The following BLOC1S5 variants were observed in gnomAD, a reference collection of about 807,000 sequenced individuals.
BLOC1S5 encodes the protein biogenesis of lysosome-related organelles complex 1 subunit 5.
BLOC1S5 carries 27 observed loss-of-function variants against 24.3 expected under a neutral mutation model. The observed-to-expected ratio is 1.11, with a 90% CI of 0.82 to 1.53. The LOEUF (loss-of-function observed/expected upper bound fraction) is 1.53. Among genes scored for constraint, BLOC1S5 ranks in the 40% most tolerant of loss-of-function variants. The pLI is 0.00. For missense variants in BLOC1S5, 239 were observed against 229.4 expected, an observed-to-expected ratio of 1.04 and a Z score of -0.27; for synonymous variants, 84 against 74.5, an observed-to-expected ratio of 1.13 and a Z score of -0.66.
intron 4 of BLOC1S5, among the ~76,000 whole-genome samples, chr6:8,025,379 C>G (rs1187517151): frequency 6.6e-6 from 1 of 152,216 alleles, no homozygotes; most frequent in Non-Finnish European, 1.5e-5. Flanking sequence ...GCAAGCACCC[C>G]ATCCTGACAC....
At chr6:8,026,222 C>A in intron 4 of BLOC1S5, 145 bp downstream of exon 4, 1 of 628,878 alleles carries the variant, frequency 1.6e-6, no homozygotes, top group Non-Finnish European at 2.8e-6. Flanking sequence ...GACCACACCT[C>A]CTCAACACAT....
intron 2 of BLOC1S5, chr6:8,054,126 G>A (rs1247764362): frequency 3.1e-6 from 1 of 322,450 alleles, no homozygotes; most frequent in East Asian, 9.0e-5. Flanking sequence ...CTACTTATTA[G>A]CAATATTAAT....
intron 4 of BLOC1S5, among the ~76,000 whole-genome samples, chr6:8,019,309 C>G (rs1383204013): frequency 7.0e-6 from 1 of 143,142 alleles, no homozygotes; most frequent in Non-Finnish European, 1.5e-5. Context: ...CCTCCTGTTG[C>G]CCAGGCTGGA....
At chr6:8,023,089 T>C (rs6903483) in intron 4 of BLOC1S5, among the ~76,000 whole-genome samples, 3,658 of 152,316 alleles carry the variant, frequency 0.024, 151 homozygotes, top group African/African-American at 0.082. Context: ...ATTTAAATTA[T>C]TGACAGATAT....
At chr6:8,061,343 A>T (rs1764509075) in intron 2 of BLOC1S5, among the ~76,000 whole-genome samples, 1 of 152,216 alleles carries the variant, frequency 6.6e-6, no homozygotes, top group Non-Finnish European at 1.5e-5. Flanking sequence ...GTGGGAACTT[A>T]CTGCTTAACG....
Position 8,041,243 on chromosome 6 carries a change from C to T in BLOC1S5, c.221G>A (p.Arg74Gln), listed in dbSNP as rs145404904. 3.2e-5 allele frequency: 52 copies of T among 1,609,996 alleles called. No individual in the cohort carries two copies. The African/African-American group carries it at 4.7e-4, about 15-fold the overall frequency. ...CATGTTCTTCAAATTTTCAAGAACT[C>T]GCATTTCTCGAAGACCACGTTTTTC... is the stretch of plus-strand genomic sequence containing the variant. ...FEEKRGLREM[R>Q]VLENLKNMIH... Residue 74 changes from arginine to glutamine, a missense_variant, in exon 3 of 5, where the codon CGA becomes CAA. Arg to Gln is a conservative substitution (Grantham distance 43). Transcript: ENST00000397457.
chr6:8,056,927 CA>C (rs576053690), intron 2 of BLOC1S5, among the ~76,000 whole-genome samples: 1 of 151,940 alleles, frequency 6.6e-6, no homozygotes, highest in Non-Finnish European at 1.5e-5. Context: ...ATTTAAAAGA[CA>C]AAAAAAGGCC....
At chr6:8,045,863 C>G (rs922571246) in intron 2 of BLOC1S5, among the ~76,000 whole-genome samples, 2 of 152,170 alleles carry the variant, frequency 1.3e-5, no homozygotes, top group African/African-American at 4.8e-5. Context: ...TGCAGGCTTA[C>G]AGGTGAAAGG....
rs904178603 is a variant in BLOC1S5, at chr6:8,013,786, C to A, written c.*1863G>T. The A allele has an allele frequency of 1.3e-5, 2 of 152,114 alleles. No individual in the cohort carries two copies. Among genetic ancestry groups the A allele is most frequent in the African/African-American group, 4.8e-5 (2 of 41,438 alleles). 9.4% of individuals were successfully genotyped at this position (152,114 alleles called of 1,614,324 possible). On this transcript the variant is annotated 3_prime_UTR_variant, in exon 5 of 5. Transcript: ENST00000397457. ...TTCATTTAAGGCTCCCCTCCCTTTT[C>A]ATGTGTGGGATATTTTTGGAAGTAT...
At chr6:8,038,317 A>C (rs1725531574) in intron 3 of BLOC1S5, among the ~76,000 whole-genome samples, 1 of 152,218 alleles carries the variant, frequency 6.6e-6, no homozygotes, top group Admixed American at 6.5e-5. Flanking sequence ...AAAATCCCAA[A>C]GAATCCAATT....
intron 2 of BLOC1S5, among the ~76,000 whole-genome samples, chr6:8,044,010 G>T (rs566293964): frequency 6.6e-6 from 1 of 152,284 alleles, no homozygotes; most frequent in East Asian, 1.9e-4. Context: ...CAGGCCAGGC[G>T]CGATGGCTCA....
chr6:8,064,144 A>C, intron 1 of BLOC1S5, 121 bp downstream of exon 1: 1 of 755,714 alleles, frequency 1.3e-6, no homozygotes, highest in Non-Finnish European at 2.0e-6. Flanking sequence ...CGACTCCCCC[A>C]CCCGCACAAA....
rs1554139177 is a variant in BLOC1S5 at position 8,041,655 on chromosome 6, C to CTTTTTTTTTTTTTTTT, written c.196-388_196-387insAAAAAAAAAAAAAAAA. Among the ~76,000 whole-genome samples, 94 of 111,836 alleles carry CTTTTTTTTTTTTTTTT rather than the reference C, an allele frequency of 8.4e-4. 1 individual carries two copies. The highest frequency in any genetic ancestry group is 9.0e-4 in the African/African-American group (28 of 31,004). The allele number at this position is 111,836 out of a possible 152,430, so 73.4% of individuals were successfully genotyped here. ...TAGTAATTACTTTCTTTCTTTCTTT[C>CTTTTTTTTTTTTTTTT]TTTTTTTTTGAGATGCAGTCTCGCC... On this transcript the variant is annotated intron_variant, in intron 2 of 4. Coordinates refer to ENST00000397457, the MANE Select transcript of BLOC1S5 (RefSeq NM_201280.3).
Position 8,062,565 on chromosome 6 carries a change from C to T in BLOC1S5, c.164G>A (p.Gly55Asp), listed in dbSNP as rs773792717. 1 of 1,599,206 alleles carries T rather than the reference C, an allele frequency of 6.3e-7. No individual in the cohort carries two copies. The highest frequency in any genetic ancestry group is 1.1e-5 in the South Asian group (1 of 88,802). The change falls in exon 2 of 5, where the codon GGT (glycine) becomes GAT (aspartate). Residue 55 changes from glycine (G) to aspartate (D), a missense_variant. Coordinates refer to ENST00000397457, the MANE Select transcript of BLOC1S5 (RefSeq NM_201280.3). ...TTCTTTTACAAAATAACGAGTTTCA[C>T]CTTGAATAACTGGTCTGTGATCCAA... ...RLLDHRPVIQGETRYFVKEFE... is the reference protein window; with the variant it reads ...RLLDHRPVIQDETRYFVKEFE...
intron 2 of BLOC1S5, among the ~76,000 whole-genome samples, chr6:8,051,787 G>GC (rs1466255514): frequency 6.6e-6 from 1 of 152,130 alleles, no homozygotes; most frequent in Non-Finnish European, 1.5e-5. Context: ...GAACAACAAA[G>GC]CCTGGATGAC....
chr6:8,015,597 GGA>G lies in BLOC1S5; in HGVS notation c.*50_*51del. ...AACGGTCTGGTGGGAATAGTTTTCAGGAGAGAGGTGAACATCTTCTCATTAGT... is the reference window on the plus strand; with the variant it reads ...AACGGTCTGGTGGGAATAGTTTTCAGGAGAGGTGAACATCTTCTCATTAGT... On this transcript the variant is annotated 3_prime_UTR_variant, in exon 5 of 5. Transcript: ENST00000397457. 1.3e-6 allele frequency: 2 copies of G among 1,550,904 alleles called. No individual in the cohort carries two copies. Among genetic ancestry groups the G allele is most frequent in the Non-Finnish European group, 1.8e-6 (2 of 1,138,716 alleles).
intron 2 of BLOC1S5, among the ~76,000 whole-genome samples, chr6:8,052,030 G>A (rs12110848): frequency 0.14 from 20,436 of 144,726 alleles, 1,749 homozygotes; most frequent in South Asian, 0.27. Flanking sequence ...TGCAGGGTGC[G>A]ATCTCGGCTC....
At chr6:8,062,396 G>T in intron 2 of BLOC1S5, 138 bp downstream of exon 2, 2 of 588,800 alleles carry the variant, frequency 3.4e-6, no homozygotes, top group Non-Finnish European at 2.9e-6. Flanking sequence ...CAATTTTTAC[G>T]TCTTCATCAT....
intron 3 of BLOC1S5, among the ~76,000 whole-genome samples, chr6:8,038,274 G>C (rs1763555035): frequency 6.6e-6 from 1 of 152,086 alleles, no homozygotes; most frequent in Admixed American, 6.6e-5. Flanking sequence ...TTAATAACCA[G>C]AATATATAAG....
Sources: gnomAD v4.1 joint callset for allele counts (sites outside exome capture counted in the v4.1 genomes callset) on GRCh38, gnomAD v4.1.1 for gene constraint, MANE v1.5 for transcripts, NCBI Gene and HGNC (gene_info 2026-07-23, HGNC 2026-07-21) for gene names.